Variants in USH2A observed in about 807,000 individuals in gnomAD.
The protein encoded by USH2A is Usher syndrome 2A (autosomal recessive, mild).
Under a neutral mutation model 538.9 loss-of-function variants are expected in USH2A, and 443 were observed. The ratio of observed to expected loss-of-function variants is 0.82; its 90% CI spans 0.76 to 0.89. USH2A has a LOEUF of 0.89. USH2A is among the 40% of genes least tolerant of loss of function. The probability of loss-of-function intolerance (pLI) is 0.00; values close to 1 mark genes in which losing one functional copy is unlikely to be tolerated. For missense variants in USH2A, 6,633 were observed against 6,324.8 expected, an observed-to-expected ratio of 1.05 and a Z score of -1.65; for synonymous variants, 2,413 against 2,273.5, an observed-to-expected ratio of 1.06 and a Z score of -1.75.
chr1:215,724,062 A>G (rs936308848), intron 61 of USH2A, among the ~76,000 whole-genome samples: 1 of 138,996 alleles, frequency 7.2e-6, no homozygotes, highest in Non-Finnish European at 1.6e-5. Flanking sequence ...GATTGCATAA[A>G]CAGAATGTGA....
At chr1:216,245,239 T>G (rs1290144835) in intron 13 of USH2A, among the ~76,000 whole-genome samples, 2 of 152,156 alleles carry the variant, frequency 1.3e-5, no homozygotes, top group Non-Finnish European at 2.9e-5. Flanking sequence ...AAATGGTCCC[T>G]AAAAGCTATA....
intron 14 of USH2A, among the ~76,000 whole-genome samples, chr1:216,219,903 C>T (rs903727454): frequency 3.9e-5 from 6 of 152,218 alleles, no homozygotes; most frequent in Middle Eastern, 3.4e-3. Flanking sequence ...TCTGCCAGCA[C>T]TTTGCTATGA....
At chr1:215,666,916 C>T (rs1571942372) in intron 64 of USH2A, among the ~76,000 whole-genome samples, 2 of 152,044 alleles carry the variant, frequency 1.3e-5, no homozygotes, top group Middle Eastern at 6.8e-3. Context: ...ATGGTGAAAC[C>T]CCATCTCTAC....
intron 3 of USH2A, among the ~76,000 whole-genome samples, chr1:216,401,315 C>T (rs1008968347): frequency 6.6e-6 from 1 of 151,954 alleles, no homozygotes; most frequent in Non-Finnish European, 1.5e-5. Flanking sequence ...TGTTAAAACA[C>T]CAAGATAGAA....
intron 58 of USH2A, among the ~76,000 whole-genome samples, chr1:215,755,790 T>G (rs1333595555): frequency 1.3e-5 from 2 of 152,158 alleles, no homozygotes; most frequent in Non-Finnish European, 2.9e-5. Context: ...CTGAGGTATG[T>G]GAGAGTTAAG....
intron 69 of USH2A, among the ~76,000 whole-genome samples, chr1:215,637,189 A>G (rs1323081399): frequency 6.6e-6 from 1 of 152,138 alleles, no homozygotes; most frequent in Non-Finnish European, 1.5e-5. Context: ...CACACTTCCC[A>G]TTCACCAAGG....
chr1:216,288,805 T>C lies in USH2A; in HGVS notation c.1971+475A>G, dbSNP rs76519899. On this transcript the variant is annotated intron_variant, in intron 11 of 71. Coordinates refer to ENST00000307340, the MANE Select transcript of USH2A (RefSeq NM_206933.4). Reference sequence around the variant, plus strand: ...TGTGATGTAAGTAAACAGAAAGTTTTAAAATTATAAAAAATCCATTGTACT... The same window carrying C: ...TGTGATGTAAGTAAACAGAAAGTTTCAAAATTATAAAAAATCCATTGTACT... 9.5e-3 allele frequency among the ~76,000 whole-genome samples: 1,449 copies of C among 152,230 alleles called. 7 individuals are homozygous for C. Among genetic ancestry groups the C allele is most frequent in the Middle Eastern group, 0.044 (13 of 294 alleles).
At chr1:215,959,275 A>T (rs957755849) in intron 37 of USH2A, among the ~76,000 whole-genome samples, 15 of 152,130 alleles carry the variant, frequency 9.9e-5, no homozygotes, top group African/African-American at 3.4e-4. Flanking sequence ...TTTTAAAAAC[A>T]TTCTTAAATA....
rs1206466167 is a variant in USH2A at position 215,817,115 on chromosome 1, T to A, written c.9452A>T (p.Tyr3151Phe). 1.2e-6 allele frequency: 2 copies of A among 1,612,904 alleles called. No homozygotes were observed. Among genetic ancestry groups the A allele is most frequent in the Non-Finnish European group, 1.7e-6 (2 of 1,179,110 alleles). Reference sequence around the variant, plus strand: ...TAACTTTTGAGTTTTAGCGCATGGATACCATGTTTTCCATAGGAGATCATA... The same window carrying A: ...TAACTTTTGAGTTTTAGCGCATGGAAACCATGTTTTCCATAGGAGATCATA... ...LGYDLLWKTW[Y>F]PCAKTQKLVQ... is the part of the protein sequence containing the mutation. The change falls in exon 48 of 72, where the codon TAT (tyrosine) becomes TTT (phenylalanine). Residue 3151 changes from tyrosine (Y) to phenylalanine (F), a missense_variant. Tyr to Phe is a conservative substitution (Grantham distance 22). Coordinates refer to ENST00000307340, the MANE Select transcript of USH2A (RefSeq NM_206933.4).
intron 4 of USH2A, among the ~76,000 whole-genome samples, chr1:216,355,680 T>C (rs917322814): frequency 6.6e-6 from 1 of 152,074 alleles, no homozygotes; most frequent in Non-Finnish European, 1.5e-5. Flanking sequence ...TGAAGAACAC[T>C]AGAAAGGACA....
chr1:216,138,412 G>A (rs1402763927), intron 21 of USH2A, among the ~76,000 whole-genome samples: 1 of 152,188 alleles, frequency 6.6e-6, no homozygotes, highest in East Asian at 1.9e-4. Flanking sequence ...AACCTGTACT[G>A]TTATGTAGTC....
At chr1:215,912,702 T>G (rs117560704) in intron 38 of USH2A, among the ~76,000 whole-genome samples, 1 of 151,974 alleles carries the variant, frequency 6.6e-6, no homozygotes, top group Non-Finnish European at 1.5e-5. Context: ...AGGTTTGTTA[T>G]GTAGGTAAAC....
chr1:216,030,274 G>A (rs1298318324), intron 32 of USH2A, among the ~76,000 whole-genome samples: 9 of 126,482 alleles, frequency 7.1e-5, no homozygotes, highest in East Asian at 2.2e-4. Flanking sequence ...ATATAGATAT[G>A]TATCACAGAT....
At chr1:216,119,006 A>G (rs774280143) in intron 21 of USH2A, among the ~76,000 whole-genome samples, 1 of 152,236 alleles carries the variant, frequency 6.6e-6, no homozygotes, top group Non-Finnish European at 1.5e-5. Flanking sequence ...CTTCTGAGAA[A>G]CAAAGGACTG....
chr1:216,419,228 G>A (rs138675289), intron 2 of USH2A, among the ~76,000 whole-genome samples: 100 of 152,224 alleles, frequency 6.6e-4, no homozygotes, highest in African/African-American at 2.2e-3. Flanking sequence ...CAAAGCCAAA[G>A]CCAGTGTCTG....
chr1:215,691,360 T>A (rs2102681553), intron 61 of USH2A, among the ~76,000 whole-genome samples: 1 of 152,298 alleles, frequency 6.6e-6, no homozygotes, highest in South Asian at 2.1e-4. Context: ...TTGTCTCCTA[T>A]CATTTTCCCC....
intron 3 of USH2A, among the ~76,000 whole-genome samples, chr1:216,414,916 GATGCATTATATAATC>G (rs1323724401): frequency 6.6e-6 from 1 of 152,022 alleles, no homozygotes; most frequent in Non-Finnish European, 1.5e-5. Context: ...ATGGAGTTTA[GATGCATTATATAATC>G]ATGCAACAGT....
At chr1:215,912,047 G>T (rs1156511274) in intron 38 of USH2A, among the ~76,000 whole-genome samples, 3 of 151,918 alleles carry the variant, frequency 2.0e-5, no homozygotes, top group East Asian at 1.9e-4. Flanking sequence ...CTGATTTTTT[G>T]ATTGGATTAT....
chr1:215,762,436 G>C (rs542179530), intron 56 of USH2A, among the ~76,000 whole-genome samples: 1 of 152,164 alleles, frequency 6.6e-6, no homozygotes, highest in Non-Finnish European at 1.5e-5. Flanking sequence ...CATAATTTTG[G>C]GTTTGTTTCA....
Sources: gnomAD v4.1 joint callset for allele counts (sites outside exome capture counted in the v4.1 genomes callset) on GRCh38, gnomAD v4.1.1 for gene constraint, MANE v1.5 for transcripts, NCBI Gene and HGNC (gene_info 2026-07-23, HGNC 2026-07-21) for gene names.